Variants in LDAH observed in about 807,000 individuals in gnomAD.
LDAH encodes the protein lipid droplet-associated hydrolase.
Under a neutral mutation model 29.6 loss-of-function variants are expected in LDAH, and 26 were observed. That is an observed-to-expected ratio of 0.88 (90% CI 0.64 to 1.22). LDAH has a LOEUF of 1.22. Ranked by LOEUF, LDAH falls within the 50% of genes most tolerant of loss-of-function variation. The pLI is 0.00. For synonymous variants in LDAH, 117 were observed against 133.0 expected (o/e 0.88, Z 0.83); for missense variants, 344 against 387.3 (o/e 0.89, Z 0.94).
chr2:20,739,867 C>A (rs7585447), intron 5 of LDAH, 104 bp downstream of exon 5: 3 of 732,238 alleles, frequency 4.1e-6, no homozygotes, highest in South Asian at 2.8e-5. Context: ...GAAAAAAAAA[C>A]TAGTAAATAA....
chr2:20,786,403 T>C (rs1244276442), intron 3 of LDAH, among the ~76,000 whole-genome samples: 1 of 152,136 alleles, frequency 6.6e-6, no homozygotes, highest in Non-Finnish European at 1.5e-5. Context: ...TTGGCCAGGC[T>C]GGTCAAGCAC....
intron 3 of LDAH, among the ~76,000 whole-genome samples, chr2:20,789,881 C>G (rs1421648142): frequency 6.6e-6 from 1 of 152,138 alleles, no homozygotes; most frequent in Non-Finnish European, 1.5e-5. Context: ...TCCACCCCTC[C>G]CCAGTCTGTG....
chr2:20,816,787 A>G (rs917055892), intron 1 of LDAH, among the ~76,000 whole-genome samples: 1 of 152,060 alleles, frequency 6.6e-6, no homozygotes, highest in Non-Finnish European at 1.5e-5. Flanking sequence ...CTTTTCAAGC[A>G]TACATGGAAC....
chr2:20,732,829 AG>A (rs1237098926), intron 5 of LDAH, among the ~76,000 whole-genome samples: 3 of 152,024 alleles, frequency 2.0e-5, no homozygotes, highest in African/African-American at 7.2e-5. Context: ...CTTTCAAAGT[AG>A]CCACTTTCTT....
chr2:20,744,378 A>G (rs1667428959), intron 4 of LDAH, among the ~76,000 whole-genome samples: 1 of 152,082 alleles, frequency 6.6e-6, no homozygotes, highest in Non-Finnish European at 1.5e-5. Context: ...CTATCATCCT[A>G]TGATTAAGTC....
chr2:20,771,127 T>C (rs1252660364), intron 4 of LDAH, among the ~76,000 whole-genome samples: 1 of 152,214 alleles, frequency 6.6e-6, no homozygotes, highest in African/African-American at 2.4e-5. Flanking sequence ...TAAACAACTT[T>C]AAATGCCAGA....
intron 3 of LDAH, among the ~76,000 whole-genome samples, chr2:20,780,718 T>G (rs1443449796): frequency 6.6e-6 from 1 of 152,174 alleles, no homozygotes; most frequent in African/African-American, 2.4e-5. Context: ...TCTCCCTACT[T>G]CTGTCTGCCC....
At chr2:20,775,450 G>C (rs1422684712) in intron 3 of LDAH, among the ~76,000 whole-genome samples, 3 of 152,166 alleles carry the variant, frequency 2.0e-5, no homozygotes, top group African/African-American at 7.2e-5. Context: ...CTGAGAAGTT[G>C]CATTTCCAAG....
chr2:20,822,888 G>A (rs753538594), intron 1 of LDAH, 149 bp downstream of exon 1: 1 of 152,292 alleles, frequency 6.6e-6, no homozygotes, highest in African/African-American at 2.4e-5. Context: ...TGTCGGAACA[G>A]TATTATTTTT....
chr2:20,735,613 T>C (rs2149431805), intron 5 of LDAH, among the ~76,000 whole-genome samples: 1 of 152,346 alleles, frequency 6.6e-6, no homozygotes, highest in East Asian at 1.9e-4. Context: ...ATTTTTTTTT[T>C]CCAGTCAAGT....
intron 4 of LDAH, among the ~76,000 whole-genome samples, chr2:20,750,295 G>A (rs1440016062): frequency 6.6e-6 from 1 of 152,096 alleles, no homozygotes; most frequent in Non-Finnish European, 1.5e-5. Context: ...CAAAGTGTTG[G>A]GATTACAGGC....
At chr2:20,801,107 C>CACACAA (rs1373443241) in intron 2 of LDAH, among the ~76,000 whole-genome samples, 24 of 151,704 alleles carry the variant, frequency 1.6e-4, no homozygotes, top group African/African-American at 5.8e-4. Flanking sequence ...CACACACACA[C>CACACAA]AACAGACAAC....
At chr2:20,794,049 A>G (rs1417565453) in intron 2 of LDAH, among the ~76,000 whole-genome samples, 1 of 143,510 alleles carries the variant, frequency 7.0e-6, no homozygotes, top group South Asian at 2.1e-4. Flanking sequence ...ACTCACACAC[A>G]AAGAAGAGGT....
intron 2 of LDAH, among the ~76,000 whole-genome samples, chr2:20,791,674 G>C (rs1477582246): frequency 6.6e-6 from 1 of 152,110 alleles, no homozygotes; most frequent in African/African-American, 2.4e-5. Context: ...AGGGAGGAAG[G>C]GCATACCAGC....
chr2:20,774,733 AG>A (rs1669672804), intron 4 of LDAH, 76 bp downstream of exon 4: 2 of 1,425,282 alleles, frequency 1.4e-6, no homozygotes, highest in Non-Finnish European at 1.9e-6. Flanking sequence ...AAGAGACAAA[AG>A]AACATAGGAA....
rs545328982 is a variant in LDAH at position 20,691,385 on chromosome 2, C to T, written c.787-4291G>A. Among the ~76,000 whole-genome samples the T allele has an allele frequency of 4.7e-4, 72 of 152,230 alleles. No homozygotes were observed. In the Middle Eastern group the frequency reaches 0.01, roughly 22 times the overall value. On this transcript the variant is annotated intron_variant, in intron 6 of 6. Coordinates refer to ENST00000237822, the MANE Select transcript of LDAH (RefSeq NM_021925.4). ...AGAGACGAAGTCTCCCTATGTTTCC[C>T]AGGCTGGTCTCCAACTCCTGGGCTC...
chr2:20,698,605 G>A lies in LDAH; in HGVS notation c.786+2965C>T, dbSNP rs1321545248. Among the ~76,000 whole-genome samples the A allele has an allele frequency of 7.9e-5, 12 of 152,032 alleles. No homozygotes were observed. Among genetic ancestry groups the A allele is most frequent in the Non-Finnish European group, 1.5e-4 (10 of 68,016 alleles). On this transcript the variant is annotated intron_variant, in intron 6 of 6. Coordinates refer to ENST00000237822, the MANE Select transcript of LDAH (RefSeq NM_021925.4). The surrounding 1 kb of genome is among the most constrained non-coding windows in gnomAD (Gnocchi z 4.4). Reference sequence around the variant, plus strand: ...TGAGGCAAGAAAATCGCTTGAACCCGGGAAGTGGAGGTTGCAGTGAGCCGA... The same window carrying A: ...TGAGGCAAGAAAATCGCTTGAACCCAGGAAGTGGAGGTTGCAGTGAGCCGA...
At chr2:20,795,428 G>A (rs570426758) in intron 2 of LDAH, among the ~76,000 whole-genome samples, 1 of 152,256 alleles carries the variant, frequency 6.6e-6, no homozygotes, top group African/African-American at 2.4e-5. Flanking sequence ...TGTGCTCACA[G>A]CACTTGATAC....
chr2:20,737,784 G>A (rs575957234), intron 5 of LDAH, among the ~76,000 whole-genome samples: 13 of 152,216 alleles, frequency 8.5e-5, no homozygotes, highest in African/African-American at 3.1e-4. Flanking sequence ...AGGAAAATGA[G>A]GCTGAAACTT....
Sources: gnomAD v4.1 joint callset for allele counts (sites outside exome capture counted in the v4.1 genomes callset) on GRCh38, gnomAD v4.1.1 for gene constraint, Gnocchi (gnomAD v3.1) non-coding constraint, MANE v1.5 for transcripts, NCBI Gene and HGNC (gene_info 2026-07-23, HGNC 2026-07-21) for gene names.